KIF3C: variants seen among roughly 807,000 people sequenced by gnomAD.
KIF3C encodes the protein kinesin-like protein KIF3C.
A neutral mutation model predicts 67.7 loss-of-function variants in KIF3C; 12 were observed. The ratio of observed to expected loss-of-function variants is 0.18; its 90% CI spans 0.11 to 0.29. KIF3C has a LOEUF of 0.29. KIF3C is among the 10% of genes least tolerant of loss of function. KIF3C has a pLI of 1.00. For missense variants in KIF3C, 789 were observed against 1,059.6 expected (o/e 0.74, Z 3.55); for synonymous variants, 393 against 426.2 (o/e 0.92, Z 0.96).
At chr2:25,973,791 G>C (rs906141795) in intron 1 of KIF3C, among the ~76,000 whole-genome samples, 3 of 152,218 alleles carry the variant, frequency 2.0e-5, no homozygotes, top group Non-Finnish European at 4.4e-5. Context: ...CAGTAGGATA[G>C]GGAGGCCCAT....
intron 1 of KIF3C, among the ~76,000 whole-genome samples, chr2:25,967,013 C>T (rs147488675): frequency 6.6e-6 from 1 of 152,328 alleles, no homozygotes; most frequent in African/African-American, 2.4e-5. Context: ...AACTCCAAGC[C>T]CAATGTCCTT....
chr2:25,964,595 T>A (rs1664095210), intron 1 of KIF3C, among the ~76,000 whole-genome samples: 1 of 151,760 alleles, frequency 6.6e-6, no homozygotes, highest in Non-Finnish European at 1.5e-5. Context: ...GCCTTCTGAG[T>A]AGCTGGAACT....
Position 25,928,895 on chromosome 2 carries a change from G to A in KIF3C, c.*83C>T, listed in dbSNP as rs775282714. 7.9e-5 allele frequency: 91 copies of A among 1,156,714 alleles called. No homozygotes were observed. Among genetic ancestry groups the A allele is most frequent in the Non-Finnish European group, 1.1e-4 (85 of 787,002 alleles). 71.7% of individuals were successfully genotyped at this position (1,156,714 alleles called of 1,614,324 possible). A position where few individuals can be genotyped will look rare whatever the true frequency, so the allele number is the denominator to read the frequency against. On this transcript the variant is annotated 3_prime_UTR_variant, in exon 8 of 8. Coordinates refer to ENST00000264712, the MANE Select transcript of KIF3C (RefSeq NM_002254.8). ...CACGCACATGCACGCACACGCACAC[G>A]CACCAAGCGGCAGATGAGATGAGCC...
intron 5 of KIF3C, among the ~76,000 whole-genome samples, chr2:25,948,181 C>T (rs900560036): frequency 1.8e-4 from 27 of 149,646 alleles, no homozygotes; most frequent in African/African-American, 6.4e-4. Context: ...GTGATCACAC[C>T]ACTGCACTCT....
intron 5 of KIF3C, among the ~76,000 whole-genome samples, chr2:25,944,212 T>C (rs558478085): frequency 6.4e-4 from 97 of 151,988 alleles, no homozygotes; most frequent in Non-Finnish European, 1.2e-3. Context: ...CGTGCACAGC[T>C]ACCTGATATT....
chr2:25,971,870 G>GTTTTTTTTTTTT (rs1559557761), intron 1 of KIF3C, among the ~76,000 whole-genome samples: 1 of 63,940 alleles, frequency 1.6e-5, no homozygotes, highest in African/African-American at 5.3e-5. Context: ...ACCATGCCTA[G>GTTTTTTTTTTTT]CTTTTTTTTT....
intron 5 of KIF3C, among the ~76,000 whole-genome samples, chr2:25,935,089 C>T (rs1190426519): frequency 6.6e-6 from 1 of 151,838 alleles, no homozygotes; most frequent in Non-Finnish European, 1.5e-5. Flanking sequence ...ACAGAAAATA[C>T]AAAAATTAGC....
chr2:25,951,580 G>C, intron 5 of KIF3C: 1 of 508,900 alleles, frequency 2.0e-6, no homozygotes, highest in Non-Finnish European at 3.5e-6. Flanking sequence ...AGGCCAATGA[G>C]ACACTTTTTT....
At chr2:25,938,199 C>A (rs1412508461) in intron 5 of KIF3C, 9 of 410,694 alleles carry the variant, frequency 2.2e-5, no homozygotes, top group South Asian at 3.5e-5. Flanking sequence ...CCCCTCTCTA[C>A]CAAAAATACA....
intron 5 of KIF3C, among the ~76,000 whole-genome samples, chr2:25,938,818 T>C (rs754221979): frequency 6.6e-6 from 1 of 152,100 alleles, no homozygotes; most frequent in Admixed American, 6.6e-5. Context: ...ACCACAGTTA[T>C]CCTGCGTGCA....
chr2:25,940,650 CTTTTTTTTTTTT>C (rs70950139), intron 5 of KIF3C, among the ~76,000 whole-genome samples: 2 of 74,172 alleles, frequency 2.7e-5, no homozygotes, highest in African/African-American at 5.3e-5. Flanking sequence ...TCAGAATGTT[CTTTTTTTTTTTT>C]TTTTTTTTTT....
rs1227617440 is a variant in KIF3C at position 25,928,511 on chromosome 2, G to C, written c.*467C>G. ...TGTCAGGATGTCTCTTGTCCTCAGG[G>C]AACACCAAGCAGTCTCCCAGTCCCA... is the stretch of plus-strand genomic sequence containing the variant. On this transcript the variant is annotated 3_prime_UTR_variant, in exon 8 of 8. Transcript: ENST00000264712. The C allele has an allele frequency of 6.4e-6, 1 of 155,502 alleles. No homozygotes were observed. The highest frequency in any genetic ancestry group is 2.4e-5 in the African/African-American group (1 of 41,476). 9.6% of individuals were successfully genotyped at this position (155,502 alleles called of 1,614,324 possible). A position where few individuals can be genotyped will look rare whatever the true frequency, so the allele number is the denominator to read the frequency against.
At chr2:25,973,697 C>G (rs1272182941) in intron 1 of KIF3C, among the ~76,000 whole-genome samples, 2 of 152,098 alleles carry the variant, frequency 1.3e-5, no homozygotes, top group East Asian at 3.8e-4. Flanking sequence ...TTAAAGAGAT[C>G]TTTAAATTAA....
At chr2:25,951,532 C>T (rs1041559001) in intron 5 of KIF3C, 4 of 426,126 alleles carry the variant, frequency 9.4e-6, no homozygotes, top group Non-Finnish European at 1.7e-5. Context: ...TGCTCTTCCT[C>T]CCTCCCGAGA....
intron 4 of KIF3C, 105 bp downstream of exon 4, chr2:25,954,162 A>G: frequency 1.2e-6 from 1 of 820,558 alleles, no homozygotes; most frequent in South Asian, 1.4e-5. Context: ...TTCCTAAAGG[A>G]CTCATGGGAG....
At chr2:25,962,966 TAATATATA>T (rs1664020633) in intron 1 of KIF3C, among the ~76,000 whole-genome samples, 2 of 26,862 alleles carry the variant, frequency 7.4e-5, no homozygotes, top group Non-Finnish European at 1.1e-4. Context: ...ATAATATATA[TAATATATA>T]ATATATAATA....
chr2:25,953,494 G>A (rs1409677938), intron 4 of KIF3C, among the ~76,000 whole-genome samples: 1 of 150,018 alleles, frequency 6.7e-6, no homozygotes. Flanking sequence ...CCAAGTAGCT[G>A]GGACTACAGG....
rs1664542330 is a variant in KIF3C, at chr2:25,980,628, C to T, written c.1290G>A (p.Trp430Ter). 1 of 1,614,054 alleles carries T rather than the reference C, an allele frequency of 6.2e-7. No homozygotes were observed. The highest frequency in any genetic ancestry group is 2.2e-5 in the East Asian group (1 of 44,874). Residue 430 changes from tryptophan to a stop codon, truncating the protein, a stop_gained, in exon 1 of 8, where the codon TGG becomes TGA. Transcript: ENST00000264712. LOFTEE classifies it high-confidence loss of function. The surrounding 1 kb of genome is among the most constrained non-coding windows in gnomAD (Gnocchi z 7.6). ...TGTTGTCATCCTCCTCTTCTGCCAC[C>T]CAGGCCTCAATCACTGGGCCCTCAG... Reference protein sequence around the residue: ...GYPEGPVIEAWVAEEEDDNNN... With the variant: ...GYPEGPVIEA
intron 1 of KIF3C, among the ~76,000 whole-genome samples, chr2:25,960,959 A>G (rs1446139987): frequency 6.6e-6 from 1 of 152,214 alleles, no homozygotes; most frequent in African/African-American, 2.4e-5. Flanking sequence ...ATTAAAAACA[A>G]AAAACTTAAA....
Sources: allele counts gnomAD v4.1 joint callset (sites outside exome capture counted in the v4.1 genomes callset), GRCh38; gene constraint gnomAD v4.1.1; non-coding constraint Gnocchi (gnomAD v3.1); transcripts MANE v1.5; gene names NCBI Gene and HGNC (gene_info 2026-07-23, HGNC 2026-07-21).